Variants in ZNF827 observed in about 807,000 individuals in gnomAD.
ZNF827 encodes the protein zinc finger protein 827.
Under a neutral mutation model 102.4 loss-of-function variants are expected in ZNF827, and 13 were observed. The ratio of observed to expected loss-of-function variants is 0.13; its 90% CI spans 0.08 to 0.20. ZNF827 has a LOEUF of 0.20. ZNF827 is among the 10% of genes least tolerant of loss of function. The pLI, the probability that ZNF827 is intolerant of heterozygous loss-of-function variation, is 1.00. For synonymous variants in ZNF827, 523 were observed against 536.2 expected, an observed-to-expected ratio of 0.98 and a Z score of 0.34; for missense variants, 1,103 against 1,344.4, an observed-to-expected ratio of 0.82 and a Z score of 2.81.
chr4:145,802,603 G>T (rs1445551820), intron 8 of ZNF827, among the ~76,000 whole-genome samples: 1 of 152,180 alleles, frequency 6.6e-6, no homozygotes, highest in African/African-American at 2.4e-5. Context: ...TCAAATTTCT[G>T]GTTGTGACCC....
intron 1 of ZNF827, among the ~76,000 whole-genome samples, chr4:145,924,494 G>A (rs1032791414): frequency 6.6e-6 from 1 of 152,180 alleles, no homozygotes; most frequent in South Asian, 2.1e-4. Flanking sequence ...GGTAAGGGAG[G>A]GGTAAGAGGG....
rs1161002088 is a variant in ZNF827 at position 145,902,556 on chromosome 4, T to G, written c.703A>C (p.Met235Leu). The G allele has an allele frequency of 6.2e-7, 1 of 1,614,134 alleles. No individual in the cohort carries two copies. Among genetic ancestry groups the G allele is most frequent in the Non-Finnish European group, 8.5e-7 (1 of 1,180,020 alleles). The part of the protein sequence containing the change: ...DKSLTRTEET[M>L]RFESFSSPFS... ...GGGGAGGAAAAGGACTCAAATCGCA[T>G]GGTCTCCTCAGTCCTGGTGAGAGAT... is the stretch of plus-strand genomic sequence containing the variant. Residue 235 changes from methionine to leucine, a missense_variant, in exon 2 of 15, where the codon ATG (methionine) becomes CTG (leucine). Around this residue, in one of 5 missense-constraint regions of ZNF827, gnomAD observed 441 missense variants for 458.6 expected, o/e 0.96. Transcript: ENST00000508784. The surrounding 1 kb of genome is among the most constrained non-coding windows in gnomAD (Gnocchi z 4.3).
At chr4:145,800,388 C>G (rs1271516832) in intron 8 of ZNF827, among the ~76,000 whole-genome samples, 1 of 151,174 alleles carries the variant, frequency 6.6e-6, no homozygotes, top group Non-Finnish European at 1.5e-5. Flanking sequence ...GAATCTCGCT[C>G]TGTCGCCAAG....
chr4:145,934,770 A>T (rs1372981538), intron 1 of ZNF827, among the ~76,000 whole-genome samples: 2 of 152,162 alleles, frequency 1.3e-5, no homozygotes, highest in African/African-American at 4.8e-5. Context: ...TAGATCCAAC[A>T]CAGAAAGAGT....
At chr4:145,855,256 G>A (rs992368312) in intron 5 of ZNF827, among the ~76,000 whole-genome samples, 1 of 152,204 alleles carries the variant, frequency 6.6e-6, no homozygotes, top group Non-Finnish European at 1.5e-5. Flanking sequence ...GCCTCTAAAA[G>A]CACTGCCAAC....
intron 5 of ZNF827, among the ~76,000 whole-genome samples, chr4:145,864,929 G>A (rs1286870916): frequency 6.6e-6 from 1 of 152,148 alleles, no homozygotes; most frequent in East Asian, 1.9e-4. Flanking sequence ...GATTACTGAA[G>A]TCACACTGCT....
At chr4:145,883,159 T>G (rs1215598925) in intron 4 of ZNF827, among the ~76,000 whole-genome samples, 1 of 152,152 alleles carries the variant, frequency 6.6e-6, no homozygotes, top group African/African-American at 2.4e-5. Context: ...CAAGTTTACA[T>G]TTACATCCAA....
intron 8 of ZNF827, 68 bp from the exon 9 acceptor site, chr4:145,779,579 T>G: frequency 6.4e-7 from 1 of 1,566,088 alleles, no homozygotes; most frequent in Non-Finnish European, 8.7e-7. Flanking sequence ...TAGTCAACAT[T>G]CAGGATTTCA....
rs775903410 is a variant in ZNF827 at position 145,849,316 on chromosome 4, A to T, written c.2221+6T>A. 2 of 1,613,452 alleles carry T rather than the reference A, an allele frequency of 1.2e-6. No homozygotes were observed. Among genetic ancestry groups the T allele is most frequent in the Non-Finnish European group, 1.7e-6 (2 of 1,179,458 alleles). ...ATAATTGACATTTTCCTGTGCATAAACATACCTGACAGTTGAAAGAGGAGC... is the reference window on the plus strand; with the variant it reads ...ATAATTGACATTTTCCTGTGCATAATCATACCTGACAGTTGAAAGAGGAGC... On this transcript the variant is annotated splice_donor_region_variant and intron_variant, in intron 6 of 14. Transcript: ENST00000508784.
At chr4:145,935,379 C>T (rs1412973150) in intron 1 of ZNF827, among the ~76,000 whole-genome samples, 1 of 152,226 alleles carries the variant, frequency 6.6e-6, no homozygotes, top group Non-Finnish European at 1.5e-5. Flanking sequence ...TCAAGCCTCA[C>T]TCAGCAGTTA....
intron 4 of ZNF827, 42 bp from the exon 5 acceptor site, chr4:145,870,520 A>G: frequency 1.9e-6 from 3 of 1,556,098 alleles, no homozygotes; most frequent in Non-Finnish European, 1.8e-6. Flanking sequence ...ATAAAAGGCC[A>G]CTCCCCTCCT....
chr4:145,889,172 C>T (rs1750384848), intron 3 of ZNF827, among the ~76,000 whole-genome samples: 1 of 151,940 alleles, frequency 6.6e-6, no homozygotes, highest in Admixed American at 6.6e-5. Context: ...AAAGACAGAT[C>T]ACAAAAAGGG....
Position 145,760,740 on chromosome 4 carries a change from C to A in ZNF827, c.*876G>T. ...TTGTGGTTTTTTTTTTTTTTTTTGT[C>A]TTTTGTCTCTCTGTTTTTGGTACAG... On this transcript the variant is annotated 3_prime_UTR_variant, in exon 15 of 15. Coordinates refer to ENST00000508784, the MANE Select transcript of ZNF827 (RefSeq NM_001306215.2). The A allele has an allele frequency of 2.8e-4, 133 of 477,462 alleles. No individual in the cohort carries two copies. The highest frequency in any genetic ancestry group is 9.4e-4 in the Middle Eastern group (1 of 1,066). 29.6% of individuals were successfully genotyped at this position (477,462 alleles called of 1,614,324 possible).
intron 5 of ZNF827, among the ~76,000 whole-genome samples, chr4:145,864,790 C>T (rs1179220999): frequency 6.6e-6 from 1 of 152,094 alleles, no homozygotes; most frequent in Admixed American, 6.5e-5. Flanking sequence ...CAGGTAGAAT[C>T]ATAAGGAACT....
At chr4:145,918,411 T>C (rs1364750089) in intron 1 of ZNF827, among the ~76,000 whole-genome samples, 1 of 125,434 alleles carries the variant, frequency 8.0e-6, no homozygotes. Flanking sequence ...TTTTTCTTTA[T>C]ATATAAAAAA....
In ZNF827 at chr4:145,938,800, C is replaced by A. The variant is rs971935307; in HGVS notation, c.-393G>T. Among the ~76,000 whole-genome samples the A allele has an allele frequency of 8.6e-5, 13 of 151,892 alleles. No individual in the cohort carries two copies. Among genetic ancestry groups the A allele is most frequent in the Non-Finnish European group, 1.6e-4 (11 of 67,962 alleles). On this transcript the variant is annotated 5_prime_UTR_variant, in exon 1 of 15. Coordinates refer to ENST00000508784, the MANE Select transcript of ZNF827 (RefSeq NM_001306215.2). ...CGGTGTCTATGGCCGCGCTCTGTGT[C>A]TCCGAGCCCCTAACACTAATGTCGG... is the stretch of plus-strand genomic sequence containing the variant.
In ZNF827 at chr4:145,758,580, GAAAAC is replaced by G. The variant is rs36234076; in HGVS notation, c.*3031_*3035del. Reference sequence around the variant, plus strand: ...TTATATGGGGATAAAGACATGACTTGAAAACAAAACAAAACAAAACAAAAAACCAA... The same window carrying G: ...TTATATGGGGATAAAGACATGACTTGAAAACAAAACAAAACAAAAAACCAA... On this transcript the variant is annotated 3_prime_UTR_variant, in exon 15 of 15. Coordinates refer to ENST00000508784, the MANE Select transcript of ZNF827 (RefSeq NM_001306215.2). The G allele has an allele frequency of 0.19, 28,650 of 152,086 alleles. 2,804 individuals are homozygous for G. Among genetic ancestry groups the G allele is most frequent in the African/African-American group, 0.24 (9,736 of 41,384 alleles). The allele number at this position is 152,086 out of a possible 1,614,324, so 9.4% of individuals were successfully genotyped here.
Position 145,765,111 on chromosome 4 carries a change from C to T in ZNF827, c.3107G>A (p.Arg1036His), listed in dbSNP as rs201852540. Reference protein sequence around the residue: ...FVCKTKNMFERHLQIHLITRM... With the variant: ...FVCKTKNMFEHHLQIHLITRM... ...GGTGATGAGGTGTATCTGCAGATGA[C>T]GCTCAAACATGTTCTTCGTCTTGCA... The change falls in exon 13 of 15, where the codon CGT becomes CAT. Residue 1036 changes from arginine (R) to histidine (H), a missense_variant. Arg to His is a conservative substitution (Grantham distance 29). Transcript: ENST00000508784. This position sits in a 1 kb window ranked among gnomAD's most constrained non-coding sequence, Gnocchi z 4.7. The T allele has an allele frequency of 3.2e-5, 51 of 1,613,998 alleles. No individual in the cohort carries two copies. The Admixed American group carries it at 4.5e-4, about 14-fold the overall frequency.
At chr4:145,812,099 T>C (rs1742078366) in intron 8 of ZNF827, among the ~76,000 whole-genome samples, 2 of 152,030 alleles carry the variant, frequency 1.3e-5, no homozygotes, top group South Asian at 4.2e-4. Context: ...ATTTTTTTTT[T>C]TTTTTTAGTA....
Sources: allele counts gnomAD v4.1 joint callset (sites outside exome capture counted in the v4.1 genomes callset), GRCh38; gene constraint gnomAD v4.1.1; regional missense constraint gnomAD v4.1.1; non-coding constraint Gnocchi (gnomAD v3.1); transcripts MANE v1.5; gene names NCBI Gene and HGNC (gene_info 2026-07-23, HGNC 2026-07-21).